Variants in PRKN observed in about 807,000 individuals in gnomAD.
PRKN encodes parkin RBR E3 ubiquitin protein ligase.
Under a neutral mutation model 59.5 loss-of-function variants are expected in PRKN, and 56 were observed. That is an observed-to-expected ratio of 0.94 (90% CI 0.76 to 1.18). The LOEUF (loss-of-function observed/expected upper bound fraction) is 1.18. Ranked by LOEUF, PRKN falls within the 50% of genes most tolerant of loss-of-function variation. PRKN has a pLI of 0.00. For synonymous variants in PRKN, 250 were observed against 222.1 expected (o/e 1.13, Z -1.12); for missense variants, 657 against 596.4 (o/e 1.10, Z -1.06).
At chr6:161,426,439 G>A (rs982232856) in intron 9 of PRKN, among the ~76,000 whole-genome samples, 1 of 151,998 alleles carries the variant, frequency 6.6e-6, no homozygotes, top group Non-Finnish European at 1.5e-5. Flanking sequence ...TATAAAGCAG[G>A]CAGAAAAACA....
intron 5 of PRKN, among the ~76,000 whole-genome samples, chr6:161,975,809 C>A (rs1185470646): frequency 5.3e-5 from 8 of 152,332 alleles, no homozygotes; most frequent in African/African-American, 1.9e-4. Flanking sequence ...TCTAGTTACT[C>A]TCTCGCAAGA....
rs1582994311 is a variant in PRKN at position 161,378,373 on chromosome 6, TGCCACACC to T, written c.1167+8413_1167+8420del. Among the ~76,000 whole-genome samples, 1 of 152,176 alleles carries T rather than the reference TGCCACACC, an allele frequency of 6.6e-6. No homozygotes were observed. Among genetic ancestry groups the T allele is most frequent in the Non-Finnish European group, 1.5e-5 (1 of 68,026 alleles). On this transcript the variant is annotated intron_variant, in intron 10 of 11. Transcript: ENST00000366898. The surrounding 1 kb of genome is among the most constrained non-coding windows in gnomAD (Gnocchi z 7.3). ...CCCCCAGCTCGGGCATCCCCCCATC[TGCCACACC>T]GCCAACATTCAACCTGCCGGCAACA...
chr6:162,690,842 A>T (rs1562499927), intron 1 of PRKN, among the ~76,000 whole-genome samples: 1 of 152,044 alleles, frequency 6.6e-6, no homozygotes, highest in Non-Finnish European at 1.5e-5. Flanking sequence ...ATAGAAATTA[A>T]AGGATCTTTG....
In PRKN at chr6:161,391,329, G is replaced by T. The variant is rs62435891; in HGVS notation, c.1084-4452C>A. 0.069 allele frequency among the ~76,000 whole-genome samples: 10,505 copies of T among 152,046 alleles called. 438 individuals carry two copies. Among genetic ancestry groups the T allele is most frequent in the Non-Finnish European group, 0.08 (5,420 of 67,996 alleles). On this transcript the variant is annotated intron_variant, in intron 9 of 11. Coordinates refer to ENST00000366898, the MANE Select transcript of PRKN (RefSeq NM_004562.3). The surrounding 1 kb of genome is among the most constrained non-coding windows in gnomAD (Gnocchi z 4.9). Reference sequence around the variant, plus strand: ...CTTATGAGTCAACATTAACCGAATGGAAGTTAGTATACCAGGAAACATGGA... The same window carrying T: ...CTTATGAGTCAACATTAACCGAATGTAAGTTAGTATACCAGGAAACATGGA...
At chr6:161,441,852 C>T (rs1476322599) in intron 9 of PRKN, among the ~76,000 whole-genome samples, 1 of 152,158 alleles carries the variant, frequency 6.6e-6, no homozygotes, top group East Asian at 1.9e-4. Context: ...TCCCTCCCTC[C>T]ATCCCTGGCC....
At chr6:162,058,573 T>C (rs1451523335) in intron 4 of PRKN, among the ~76,000 whole-genome samples, 1 of 152,178 alleles carries the variant, frequency 6.6e-6, no homozygotes, top group South Asian at 2.1e-4. Flanking sequence ...TGGGACAACA[T>C]TGCTTCTCTT....
intron 1 of PRKN, among the ~76,000 whole-genome samples, chr6:162,557,895 C>G (rs1463866169): frequency 6.6e-6 from 1 of 152,182 alleles, no homozygotes; most frequent in Non-Finnish European, 1.5e-5. Context: ...TCAGGCTTTA[C>G]CAAATTCTTC....
At chr6:161,842,673 T>C (rs1330288168) in intron 6 of PRKN, among the ~76,000 whole-genome samples, 6 of 152,028 alleles carry the variant, frequency 3.9e-5, no homozygotes, top group African/African-American at 1.4e-4. Context: ...CACACGATTC[T>C]CCTGCCTCAG....
chr6:161,781,256 G>T lies in PRKN; in HGVS notation c.871+4516C>A, dbSNP rs1459056012. Among the ~76,000 whole-genome samples, 4 of 152,150 alleles carry T rather than the reference G, an allele frequency of 2.6e-5. No homozygotes were observed. In the East Asian group the frequency reaches 7.7e-4, roughly 29 times the overall value. ...GAATATAAGTTCTCAATAGCAACTG[G>T]TATTTTAAAAAATAAAAGCAAATTT... On this transcript the variant is annotated intron_variant, in intron 7 of 11. Coordinates refer to ENST00000366898, the MANE Select transcript of PRKN (RefSeq NM_004562.3).
intron 3 of PRKN, among the ~76,000 whole-genome samples, chr6:162,217,187 A>T (rs1777714069): frequency 6.6e-6 from 1 of 152,162 alleles, no homozygotes; most frequent in Admixed American, 6.5e-5. Context: ...CATGTGCTAC[A>T]TGAACCAAGG....
intron 4 of PRKN, among the ~76,000 whole-genome samples, chr6:162,059,676 G>A (rs1778015366): frequency 6.6e-6 from 1 of 152,136 alleles, no homozygotes; most frequent in Non-Finnish European, 1.5e-5. Flanking sequence ...TACCGAATTA[G>A]AGAAAGATAT....
Position 161,821,673 on chromosome 6 carries a change from G to A in PRKN, c.735-35765C>T, listed in dbSNP as rs79142338. Reference sequence around the variant, plus strand: ...CTTACATCCCTACAGCCTTGACTGAGTATTTTCTTTCTGCTTCACTTTTGG... The same window carrying A: ...CTTACATCCCTACAGCCTTGACTGAATATTTTCTTTCTGCTTCACTTTTGG... On this transcript the variant is annotated intron_variant, in intron 6 of 11. Transcript: ENST00000366898. 6.4e-3 allele frequency among the ~76,000 whole-genome samples: 891 copies of A among 138,628 alleles called. 9 individuals carry two copies. Among genetic ancestry groups the A allele is most frequent in the Middle Eastern group, 0.027 (7 of 258 alleles). The allele number at this position is 138,628 out of a possible 152,430, so 90.9% of individuals were successfully genotyped here. A position where few individuals can be genotyped will look rare whatever the true frequency, so the allele number is the denominator to read the frequency against.
chr6:161,778,763 A>G lies in PRKN; in HGVS notation c.871+7009T>C, dbSNP rs112694930. Among the ~76,000 whole-genome samples, 2 of 152,186 alleles carry G rather than the reference A, an allele frequency of 1.3e-5. 1 individual carries two copies. The highest frequency in any genetic ancestry group is 4.8e-5 in the African/African-American group (2 of 41,442). ...GGAGTGCACGATCAGCAACGTGCCCAAAGTGCCCATCGTGTTGTCAGGGGC... is the reference window on the plus strand; with the variant it reads ...GGAGTGCACGATCAGCAACGTGCCCGAAGTGCCCATCGTGTTGTCAGGGGC... On this transcript the variant is annotated intron_variant, in intron 7 of 11. Coordinates refer to ENST00000366898, the MANE Select transcript of PRKN (RefSeq NM_004562.3).
In PRKN at chr6:161,534,000, C is replaced by T. The variant is rs1344310842; in HGVS notation, c.1083+14854G>A. On this transcript the variant is annotated intron_variant, in intron 9 of 11. Transcript: ENST00000366898. This position sits in a 1 kb window ranked among gnomAD's most constrained non-coding sequence, Gnocchi z 4.1. Reference sequence around the variant, plus strand: ...GTGAACCCCCTTTCCACCTGTCCTCCTCGCCCTCACACTAGATTACTTTTT... The same window carrying T: ...GTGAACCCCCTTTCCACCTGTCCTCTTCGCCCTCACACTAGATTACTTTTT... Among the ~76,000 whole-genome samples the T allele has an allele frequency of 1.3e-5, 2 of 152,100 alleles. No homozygotes were observed. Among genetic ancestry groups the T allele is most frequent in the Non-Finnish European group, 1.5e-5 (1 of 68,020 alleles).
chr6:162,042,954 G>T (rs1256911170), intron 5 of PRKN, among the ~76,000 whole-genome samples: 1 of 152,162 alleles, frequency 6.6e-6, no homozygotes, highest in Non-Finnish European at 1.5e-5. Flanking sequence ...GCATGCTGCT[G>T]AAAAAGACAT....
chr6:161,878,498 A>G (rs957444860), intron 6 of PRKN, among the ~76,000 whole-genome samples: 6 of 152,124 alleles, frequency 3.9e-5, no homozygotes, highest in Non-Finnish European at 8.8e-5. Context: ...AGTACGAATT[A>G]TTTTGTGTTT....
chr6:161,738,370 G>T lies in PRKN; in HGVS notation c.871+47402C>A, dbSNP rs116082373. 6.3e-3 allele frequency among the ~76,000 whole-genome samples: 962 copies of T among 152,260 alleles called. 14 individuals carry two copies. Among genetic ancestry groups the T allele is most frequent in the African/African-American group, 0.022 (931 of 41,560 alleles). ...CGTCATCTTTAAAATCTTCCATTCT[G>T]CCCTCCATCTTCTGAATTCACATTT... On this transcript the variant is annotated intron_variant, in intron 7 of 11. Transcript: ENST00000366898.
intron 6 of PRKN, among the ~76,000 whole-genome samples, chr6:161,893,520 T>A (rs1777493850): frequency 6.6e-6 from 1 of 152,200 alleles, no homozygotes; most frequent in Non-Finnish European, 1.5e-5. Context: ...ATGTTATCAC[T>A]ACGTTACTGT....
chr6:161,804,159 C>G (rs1276449416), intron 6 of PRKN, among the ~76,000 whole-genome samples: 1 of 152,180 alleles, frequency 6.6e-6, no homozygotes, highest in Non-Finnish European at 1.5e-5. Context: ...CTAACAATCA[C>G]GAATAATGAA....
Sources: allele counts gnomAD v4.1 joint callset (sites outside exome capture counted in the v4.1 genomes callset), GRCh38; gene constraint gnomAD v4.1.1; non-coding constraint Gnocchi (gnomAD v3.1); transcripts MANE v1.5; gene names NCBI Gene and HGNC (gene_info 2026-07-23, HGNC 2026-07-21).